ACACA: variants seen among roughly 807,000 people sequenced by gnomAD.
ACACA encodes acetyl-CoA carboxylase alpha.
A neutral mutation model predicts 296.1 loss-of-function variants in ACACA; 103 were observed. The observed-to-expected ratio is 0.35, with a 90% confidence interval of 0.30 to 0.41. ACACA has a LOEUF of 0.41. Among genes scored for constraint, ACACA ranks in the 10% least tolerant of loss-of-function variants. The pLI is 1.00. For synonymous variants in ACACA, 953 were observed against 1,038.6 expected, an observed-to-expected ratio of 0.92 and a Z score of 1.58; for missense variants, 1,554 against 2,989.7, an observed-to-expected ratio of 0.52 and a Z score of 11.20.
chr17:37,295,072 G>C (rs538687604), intron 3 of ACACA, among the ~76,000 whole-genome samples: 1 of 152,360 alleles, frequency 6.6e-6, no homozygotes, highest in South Asian at 2.1e-4. Context: ...AGCCAGTAGA[G>C]TAGGGGAAGG....
At chr17:37,206,326 A>G (rs1314740871) in intron 32 of ACACA, among the ~76,000 whole-genome samples, 2 of 152,236 alleles carry the variant, frequency 1.3e-5, no homozygotes, top group East Asian at 3.8e-4. Flanking sequence ...TAGAGAAAGA[A>G]TAATTTATTT....
At chr17:37,164,325 C>A (rs949394702) in intron 41 of ACACA, among the ~76,000 whole-genome samples, 2 of 152,202 alleles carry the variant, frequency 1.3e-5, no homozygotes, top group African/African-American at 4.8e-5. Context: ...GCTCTGAGTA[C>A]ACATTCCTCA....
intron 11 of ACACA, among the ~76,000 whole-genome samples, chr17:37,260,667 T>C (rs1282204881): frequency 6.6e-6 from 1 of 151,934 alleles, no homozygotes; most frequent in Non-Finnish European, 1.5e-5. Flanking sequence ...TTCTTATTCA[T>C]TGGAACATAG....
At chr17:37,385,975 C>T (rs1163084739) in intron 1 of ACACA, 1 of 1,404,538 alleles carries the variant, frequency 7.1e-7, no homozygotes, top group South Asian at 1.3e-5. Flanking sequence ...AAAGTTTTCC[C>T]CTAAAGTTTC....
chr17:37,275,847 C>T, intron 8 of ACACA, 104 bp downstream of exon 8: 1 of 945,202 alleles, frequency 1.1e-6, no homozygotes. Flanking sequence ...ACCAGTATTC[C>T]ATTTCTTGTC....
rs2076995009 is a variant in ACACA, at chr17:37,174,001, TATATA to T, written c.5079+5254_5079+5258del. 2.9e-3 allele frequency among the ~76,000 whole-genome samples: 35 copies of T among 12,016 alleles called. 4 individuals are homozygous for T. Among genetic ancestry groups the T allele is most frequent in the African/African-American group, 0.015 (34 of 2,232 alleles). The allele number at this position is 12,016 out of a possible 152,430, so 7.9% of individuals were successfully genotyped here. A position where few individuals can be genotyped will look rare whatever the true frequency, so the allele number is the denominator to read the frequency against. On this transcript the variant is annotated intron_variant, in intron 41 of 55. Transcript: ENST00000616317. ...GCTAATTTATATATATATATATATA[TATATA>T]TATATATATATATATTTTTTTTTTT...
chr17:37,191,987 T>C (rs1259242397), intron 37 of ACACA, 103 bp downstream of exon 37: 2 of 1,189,674 alleles, frequency 1.7e-6, no homozygotes, highest in Non-Finnish European at 2.4e-6. Flanking sequence ...TGATCTTTTT[T>C]TTATGTTCTC....
intron 1 of ACACA, chr17:37,387,828 T>C (rs1476657576): frequency 2.0e-5 from 3 of 152,118 alleles, no homozygotes; most frequent in Admixed American, 2.0e-4. Context: ...GGTTACATCC[T>C]AGTTTCTACC....
intron 37 of ACACA, among the ~76,000 whole-genome samples, chr17:37,191,792 T>C (rs1427829467): frequency 6.6e-6 from 1 of 152,150 alleles, no homozygotes; most frequent in Non-Finnish European, 1.5e-5. Context: ...TTTTCTTTTC[T>C]TGAGTGTTAT....
intron 14 of ACACA, 54 bp from the exon 15 acceptor site, chr17:37,253,090 A>C (rs1800093210): frequency 6.2e-7 from 1 of 1,613,608 alleles, no homozygotes. Flanking sequence ...ATGTTTTTCA[A>C]TAATTTTAAA....
intron 29 of ACACA, among the ~76,000 whole-genome samples, chr17:37,213,914 G>T (rs1280604336): frequency 6.6e-6 from 1 of 151,942 alleles, no homozygotes; most frequent in African/African-American, 2.4e-5. Flanking sequence ...AATTTCATTT[G>T]GCTTGATTCT....
chr17:37,316,959 T>C (rs1010910106), intron 3 of ACACA, among the ~76,000 whole-genome samples: 5 of 151,402 alleles, frequency 3.3e-5, no homozygotes, highest in African/African-American at 1.2e-4. Flanking sequence ...TGTAGTCCCA[T>C]CTACTTGGGA....
chr17:37,195,017 TATC>T (rs2077928036), intron 35 of ACACA, among the ~76,000 whole-genome samples: 2 of 151,700 alleles, frequency 1.3e-5, no homozygotes, highest in Non-Finnish European at 2.9e-5. Context: ...TGTCGATAAA[TATC>T]ATGCTCATGG....
intron 45 of ACACA, chr17:37,141,319 C>T (rs948577157): frequency 4.0e-6 from 2 of 502,038 alleles, no homozygotes; most frequent in Non-Finnish European, 7.8e-6. Flanking sequence ...AGCCTTGCCT[C>T]CATGAGCTCT....
intron 1 of ACACA, among the ~76,000 whole-genome samples, chr17:37,394,849 A>G (rs931012487): frequency 1.3e-5 from 2 of 151,506 alleles, no homozygotes; most frequent in Non-Finnish European, 2.9e-5. Context: ...AGATTGTGCC[A>G]CTGCACTCCA....
At chr17:37,399,029 G>C (rs1382862304) in intron 1 of ACACA, among the ~76,000 whole-genome samples, 3 of 150,936 alleles carry the variant, frequency 2.0e-5, no homozygotes, top group Non-Finnish European at 2.9e-5. Context: ...GCCCAGGCTG[G>C]AGTGCAATGG....
chr17:37,263,688 T>C lies in ACACA; in HGVS notation c.1326A>G (p.Glu442=). 6.2e-7 allele frequency: 1 copy of C among 1,613,326 alleles called. No individual in the cohort carries two copies. The highest frequency in any genetic ancestry group is 8.5e-7 in the Non-Finnish European group (1 of 1,179,274). ...GTAAGCCTTTTAATATATGTACCTGTTCCATGTGTTCAAATACTGCTGGAG... is the reference window on the plus strand; with the variant it reads ...GTAAGCCTTTTAATATATGTACCTGCTCCATGTGTTCAAATACTGCTGGAG... ...IATPAVFEHM[E]QCAVKLAKMV... is the part of the protein sequence containing the mutation. The change falls in exon 11 of 56, where the codon GAA becomes GAG. Residue 442 remains glutamate (E), a synonymous_variant. Coordinates refer to ENST00000616317, the MANE Select transcript of ACACA (RefSeq NM_198834.3).
intron 1 of ACACA, among the ~76,000 whole-genome samples, chr17:37,341,221 C>G (rs1200479428): frequency 6.6e-6 from 1 of 151,944 alleles, no homozygotes; most frequent in Non-Finnish European, 1.5e-5. Context: ...TACCACCCAG[C>G]AAAACATTAA....
chr17:37,121,252 G>C, intron 50 of ACACA, 103 bp downstream of exon 50: 1 of 1,513,516 alleles, frequency 6.6e-7, no homozygotes, highest in Non-Finnish European at 9.1e-7. Flanking sequence ...AAAAGCCTAG[G>C]CTATTAGGAC....
Sources: gnomAD v4.1 joint callset for allele counts (sites outside exome capture counted in the v4.1 genomes callset) on GRCh38, gnomAD v4.1.1 for gene constraint, MANE v1.5 for transcripts, NCBI Gene and HGNC (gene_info 2026-07-23, HGNC 2026-07-21) for gene names.